The following ANO10 variants were observed in gnomAD, a reference collection of about 807,000 sequenced individuals.
ANO10 encodes the protein anoctamin 10, also known as anoctamin-10.
In ANO10, 77 loss-of-function variants were observed where a neutral mutation model predicts 74.7. The ratio of observed to expected loss-of-function variants is 1.03; its 90% confidence interval spans 0.86 to 1.25. The LOEUF (loss-of-function observed/expected upper bound fraction) is 1.25, where lower values mean the gene tolerates loss of function less well. Ranked by LOEUF, ANO10 falls within the 50% of genes most tolerant of loss-of-function variation. The pLI, the probability that ANO10 is intolerant of heterozygous loss-of-function variation, is 0.00. For missense variants in ANO10, 721 were observed against 778.1 expected (o/e 0.93, Z 0.87); for synonymous variants, 279 against 284.9 (o/e 0.98, Z 0.21).
At chr3:43,372,918 CTCTT>C (rs2091669049) in intron 12 of ANO10, 2 of 1,434,904 alleles carry the variant, frequency 1.4e-6, no homozygotes, top group Non-Finnish European at 1.9e-6. Context: ...CTTGTGAAGC[CTCTT>C]TTTTTCATGC....
chr3:43,614,866 A>T (rs1376067425), intron 1 of ANO10, among the ~76,000 whole-genome samples: 1 of 147,220 alleles, frequency 6.8e-6, no homozygotes, highest in Non-Finnish European at 1.5e-5. Flanking sequence ...TATGCATGTA[A>T]AAGTTCATTA....
intron 1 of ANO10, among the ~76,000 whole-genome samples, chr3:43,688,356 T>C (rs956278603): frequency 1.3e-5 from 2 of 152,150 alleles, no homozygotes; most frequent in African/African-American, 2.4e-5. Context: ...GGTGGGATTG[T>C]AGGGCATCAG....
intron 11 of ANO10, among the ~76,000 whole-genome samples, chr3:43,532,516 T>A (rs1017174821): frequency 2.0e-5 from 3 of 152,224 alleles, no homozygotes; most frequent in Admixed American, 6.5e-5. Context: ...CTTCCACAGA[T>A]GTATCTTTAT....
intron 9 of ANO10, among the ~76,000 whole-genome samples, chr3:43,560,345 G>C (rs1479425789): frequency 1.3e-5 from 2 of 152,130 alleles, no homozygotes; most frequent in Non-Finnish European, 2.9e-5. Context: ...AGTGAGCAGA[G>C]AGAAAAAGAC....
chr3:43,487,364 G>A (rs2076535990), intron 11 of ANO10, among the ~76,000 whole-genome samples: 1 of 152,076 alleles, frequency 6.6e-6, no homozygotes, highest in Admixed American at 6.5e-5. Flanking sequence ...GATTGGAATA[G>A]TTTCAGAAGG....
chr3:43,385,427 G>T (rs2092087338), intron 12 of ANO10, among the ~76,000 whole-genome samples: 1 of 152,092 alleles, frequency 6.6e-6, no homozygotes, highest in Non-Finnish European at 1.5e-5. Flanking sequence ...CAGAGGAAAA[G>T]AAATTATTAT....
intron 9 of ANO10, 41 bp downstream of exon 9, chr3:43,561,179 C>G (rs544885858): frequency 2.2e-5 from 35 of 1,591,222 alleles, no homozygotes; most frequent in Non-Finnish European, 3.0e-5. Context: ...GGCTATTATT[C>G]ACTCTCAGTA....
chr3:43,488,643 T>G (rs1438381600), intron 11 of ANO10, among the ~76,000 whole-genome samples: 2 of 150,152 alleles, frequency 1.3e-5, no homozygotes, highest in African/African-American at 4.9e-5. Flanking sequence ...CCAGTTAGAA[T>G]GGCAATCATT....
intron 11 of ANO10, among the ~76,000 whole-genome samples, chr3:43,492,707 T>A (rs1014164876): frequency 1.3e-4 from 20 of 152,130 alleles, no homozygotes; most frequent in African/African-American, 4.6e-4. Context: ...CACTGGTCAT[T>A]AGAGAAATGC....
intron 7 of ANO10, among the ~76,000 whole-genome samples, chr3:43,569,079 A>T (rs2080543465): frequency 6.9e-6 from 1 of 145,074 alleles, no homozygotes; most frequent in African/African-American, 2.7e-5. Context: ...TAAACTAGAA[A>T]ATCTAGAAGA....
At chr3:43,380,817 G>A (rs536083891) in intron 12 of ANO10, among the ~76,000 whole-genome samples, 15 of 152,290 alleles carry the variant, frequency 9.8e-5, no homozygotes, top group African/African-American at 3.1e-4. Flanking sequence ...CAAATAGCAT[G>A]TTGAATAGAA....
Position 43,480,970 on chromosome 3 carries a change from T to TA in ANO10, c.1798-48244dup, listed in dbSNP as rs948373970. ...TAATAATACAACCACTACATTGTAT[T>TA]ATTGTATAATAATTGTATAATAATA... On this transcript the variant is annotated intron_variant, in intron 11 of 12. Coordinates refer to ENST00000292246, the MANE Select transcript of ANO10 (RefSeq NM_018075.5). Among the ~76,000 whole-genome samples, 3 of 10,208 alleles carry TA rather than the reference T, an allele frequency of 2.9e-4. No individual in the cohort carries two copies. The East Asian group carries it at 0.014, about 46-fold the overall frequency. 6.7% of individuals were successfully genotyped at this position (10,208 alleles called of 152,430 possible).
chr3:43,594,894 G>T (rs1247759036), intron 4 of ANO10, among the ~76,000 whole-genome samples: 3 of 151,560 alleles, frequency 2.0e-5, no homozygotes, highest in African/African-American at 4.9e-5. Flanking sequence ...AAAGAGAGAA[G>T]AATCAAATAG....
intron 4 of ANO10, among the ~76,000 whole-genome samples, chr3:43,584,058 T>C (rs2081370641): frequency 6.6e-6 from 1 of 152,214 alleles, no homozygotes; most frequent in South Asian, 2.1e-4. Flanking sequence ...TTAGGTTATT[T>C]GCATGATGAT....
intron 1 of ANO10, among the ~76,000 whole-genome samples, chr3:43,680,459 C>G (rs2084180716): frequency 4.6e-5 from 7 of 152,144 alleles, no homozygotes; most frequent in Admixed American, 4.6e-4. Flanking sequence ...CGTCTGATTG[C>G]TGTACCTGAA....
chr3:43,499,143 G>A (rs1272287349), intron 11 of ANO10, among the ~76,000 whole-genome samples: 3 of 152,270 alleles, frequency 2.0e-5, no homozygotes, highest in Non-Finnish European at 2.9e-5. Flanking sequence ...TGTTTTTCAC[G>A]TGTCTTCAAA....
In ANO10 at chr3:43,598,628, A is replaced by G; in HGVS notation, c.376T>C (p.Phe126Leu). 2 of 1,610,610 alleles carry G rather than the reference A, an allele frequency of 1.2e-6. No homozygotes were observed. The highest frequency in any genetic ancestry group is 1.1e-5 in the South Asian group (1 of 90,640). Residue 126 changes from phenylalanine (F) to leucine (L), a missense_variant, in exon 4 of 13, where the codon TTC becomes CTC. Physicochemically the swap from Phe to Leu is conservative, Grantham distance 22. Coordinates refer to ENST00000292246, the MANE Select transcript of ANO10 (RefSeq NM_018075.5). ...DDFLTMAECQFIIKHELENLR... is the reference protein window; with the variant it reads ...DDFLTMAECQLIIKHELENLR... ...TTTTCAAGTTCATGTTTGATAATGA[A>G]TTGACATTCTGCCATTGTCAGGAAA...
intron 1 of ANO10, chr3:43,690,976 C>G (rs746546023): frequency 1.3e-6 from 2 of 1,571,578 alleles, no homozygotes; most frequent in Non-Finnish European, 1.7e-6. Flanking sequence ...AGTCCCGGCG[C>G]TTGCGCGGCG....
At chr3:43,377,422 C>T (rs1425575908) in intron 12 of ANO10, among the ~76,000 whole-genome samples, 1 of 152,146 alleles carries the variant, frequency 6.6e-6, no homozygotes, top group Non-Finnish European at 1.5e-5. Context: ...CTCCCTCCTC[C>T]TTGCCTGGGA....
Sources: gnomAD v4.1 joint callset for allele counts (sites outside exome capture counted in the v4.1 genomes callset) on GRCh38, gnomAD v4.1.1 for gene constraint, MANE v1.5 for transcripts, NCBI Gene and HGNC (gene_info 2026-07-23, HGNC 2026-07-21) for gene names.